TMEM216: variants seen among roughly 807,000 people sequenced by gnomAD.
TMEM216 encodes the protein cerebello-oculo-renal syndrome 2.
A neutral mutation model predicts 17.8 loss-of-function variants in TMEM216; 15 were observed. The ratio of observed to expected loss-of-function variants is 0.84; its 90% CI spans 0.56 to 1.30. TMEM216 has a LOEUF of 1.30. Among genes scored for constraint, TMEM216 ranks in the 50% most tolerant of loss-of-function variants. The pLI is 0.00. For missense variants in TMEM216, 160 were observed against 175.7 expected, an observed-to-expected ratio of 0.91 and a Z score of 0.51; for synonymous variants, 58 against 73.5, an observed-to-expected ratio of 0.79 and a Z score of 1.08.
At chr11:61,396,793 TAA>T (rs763732273) in intron 3 of TMEM216, among the ~76,000 whole-genome samples, 7 of 123,872 alleles carry the variant, frequency 5.7e-5, no homozygotes, top group Admixed American at 1.6e-4. Context: ...TCCGTCTCAA[TAA>T]AAAAAAAAAA....
At chr11:61,396,262 C>T (rs549660116) in intron 3 of TMEM216, among the ~76,000 whole-genome samples, 4 of 152,110 alleles carry the variant, frequency 2.6e-5, no homozygotes, top group South Asian at 2.1e-4. Context: ...AGGCAGATCA[C>T]GAGTTCAGGA....
In TMEM216 at chr11:61,393,241, GTCC is replaced by G. The variant is rs1858718812; in HGVS notation, c.49_51del (p.Ser17del). On this transcript the variant is annotated inframe_deletion, in exon 2 of 5. Coordinates refer to ENST00000515837, the MANE Select transcript of TMEM216 (RefSeq NM_001173990.3). ...GTGCTCCTTTTTCAGGTAAACGGTT[GTCC>G]TCCACCCCGCTGGAAATCCTGTTCT... 3 of 1,535,648 alleles carry G rather than the reference GTCC, an allele frequency of 2.0e-6. No homozygotes were observed. Among genetic ancestry groups the G allele is most frequent in the Non-Finnish European group, 2.6e-6 (3 of 1,146,698 alleles).
intron 3 of TMEM216, 150 bp from the exon 4 acceptor site, chr11:61,397,624 T>A (rs1462104096): frequency 1.0e-4 from 65 of 652,120 alleles, no homozygotes; most frequent in South Asian, 9.5e-4. Context: ...CCTCAAACTT[T>A]TAGTACAGTG....
chr11:61,394,699 C>G (rs971454642), intron 3 of TMEM216, among the ~76,000 whole-genome samples: 3 of 146,060 alleles, frequency 2.1e-5, no homozygotes, highest in African/African-American at 7.6e-5. Context: ...TGGAGTCTCA[C>G]TCTGTCACCT....
chr11:61,393,823 G>T, intron 2 of TMEM216, 61 bp from the exon 3 acceptor site: 8 of 1,329,898 alleles, frequency 6.0e-6, no homozygotes, highest in Middle Eastern at 1.8e-4. Context: ...TCCCAAGTGT[G>T]TGGCAGTTCT....
chr11:61,394,669 AT>A (rs879295271), intron 3 of TMEM216, among the ~76,000 whole-genome samples: 1,298 of 93,112 alleles, frequency 0.014, 3 homozygotes, highest in Middle Eastern at 0.051. Context: ...ACCTGGTTGG[AT>A]TTTTTTTTTT....
In TMEM216 at chr11:61,397,817, T is replaced by C. The variant is rs1301636574; in HGVS notation, c.273T>C (p.Ile91=). The C allele has an allele frequency of 3.1e-6, 5 of 1,613,890 alleles. No individual in the cohort carries two copies. Among genetic ancestry groups the C allele is most frequent in the Non-Finnish European group, 4.2e-6 (5 of 1,179,900 alleles). Residue 91 remains isoleucine, a synonymous_variant, in exon 4 of 5, where the codon ATT becomes ATC. Coordinates refer to ENST00000515837, the MANE Select transcript of TMEM216 (RefSeq NM_001173990.3). ...NLCQRKMPLS[I]SVALTFPSAM... ...GCCAGCGAAAGATGCCGCTCAGTAT[T>C]AGCGTGGCCTTGACCTTCCCATCTG... is the stretch of plus-strand genomic sequence containing the variant.
chr11:61,393,504 CCCCTCAGCAAGAA>C (rs1320523370), intron 2 of TMEM216, among the ~76,000 whole-genome samples, 172 bp downstream of exon 2: 1 of 152,160 alleles, frequency 6.6e-6, no homozygotes, highest in Non-Finnish European at 1.5e-5. Context: ...CCATAGGCAG[CCCCTCAGCAAGAA>C]TTTCTTGAGT....
At chr11:61,397,323 C>T (rs902000453) in intron 3 of TMEM216, among the ~76,000 whole-genome samples, 10 of 151,872 alleles carry the variant, frequency 6.6e-5, no homozygotes, top group South Asian at 4.1e-4. Flanking sequence ...CCCGCCACCA[C>T]GCCCGGCTAC....
At chr11:61,395,866 C>T (rs1858787868) in intron 3 of TMEM216, among the ~76,000 whole-genome samples, 2 of 152,114 alleles carry the variant, frequency 1.3e-5, no homozygotes, top group African/African-American at 4.8e-5. Context: ...TTTTACCCAT[C>T]AGACTGGCAA....
In TMEM216 at chr11:61,393,898, T is replaced by C. The variant is rs1324823314; in HGVS notation, c.151T>C (p.Tyr51His). 3 of 1,613,900 alleles carry C rather than the reference T, an allele frequency of 1.9e-6. No individual in the cohort carries two copies. The highest frequency in any genetic ancestry group is 2.5e-6 in the Non-Finnish European group (3 of 1,179,820). Residue 51 changes from tyrosine to histidine, a missense_variant, in exon 3 of 5, where the codon TAT becomes CAT. Coordinates refer to ENST00000515837, the MANE Select transcript of TMEM216 (RefSeq NM_001173990.3). ...IFLYKGVLLPYPTANLVLDVV... is the reference protein window; with the variant it reads ...IFLYKGVLLPHPTANLVLDVV... ...TGTATTGGCAGGTGTCCTGCTACCA[T>C]ATCCAACAGCTAACCTAGTACTGGA...
intron 3 of TMEM216, among the ~76,000 whole-genome samples, chr11:61,396,027 T>TA (rs199720332): frequency 2.6e-5 from 4 of 151,546 alleles, no homozygotes; most frequent in African/African-American, 7.3e-5. Flanking sequence ...AAAACTAGAT[T>TA]AAAAAAAAAT....
rs997518388 is a variant in TMEM216, at chr11:61,393,342, G to C, written c.136+10G>C. ...ATATTTCTGTATAAAGGTAAGGAAG[G>C]CTTGGGGCTTGACGACAGCATCCCT... On this transcript the variant is annotated intron_variant, in intron 2 of 4. Coordinates refer to ENST00000515837, the MANE Select transcript of TMEM216 (RefSeq NM_001173990.3). The C allele has an allele frequency of 6.6e-7, 1 of 1,515,718 alleles. No individual in the cohort carries two copies. Among genetic ancestry groups the C allele is most frequent in the Non-Finnish European group, 8.9e-7 (1 of 1,128,360 alleles). The allele number at this position is 1,515,718 out of a possible 1,614,324, so 93.9% of individuals were successfully genotyped here.
At chr11:61,394,669 A>AT (rs879295271) in intron 3 of TMEM216, among the ~76,000 whole-genome samples, 1,039 of 93,242 alleles carry the variant, frequency 0.011, 8 homozygotes, top group Middle Eastern at 0.038. Flanking sequence ...ACCTGGTTGG[A>AT]TTTTTTTTTT....
At chr11:61,398,009 G>A (rs763419040) in intron 4 of TMEM216, 34 bp downstream of exon 4, 80 of 1,610,246 alleles carry the variant, frequency 5.0e-5, no homozygotes, top group Non-Finnish European at 6.6e-5. Context: ...CTCATCACTA[G>A]AGGGTTGGGT....
chr11:61,398,356 T>C lies in TMEM216; in HGVS notation c.*80T>C. On this transcript the variant is annotated 3_prime_UTR_variant, in exon 5 of 5. Coordinates refer to ENST00000515837, the MANE Select transcript of TMEM216 (RefSeq NM_001173990.3). ...GGTACTTTAGCCACACCAGTGAGAA[T>C]TGGTGGGGCAAGTTGTCCTGAGAAA... The C allele has an allele frequency of 6.8e-7, 1 of 1,475,996 alleles. No individual in the cohort carries two copies. Among genetic ancestry groups the C allele is most frequent in the Non-Finnish European group, 9.4e-7 (1 of 1,068,330 alleles). The allele number at this position is 1,475,996 out of a possible 1,614,324, so 91.4% of individuals were successfully genotyped here.
chr11:61,394,036 G>C, intron 3 of TMEM216, 60 bp downstream of exon 3: 2 of 1,474,760 alleles, frequency 1.4e-6, no homozygotes, highest in Non-Finnish European at 1.9e-6. Context: ...TCTGTAACTT[G>C]ATTAACAAGA....
Position 61,398,413 on chromosome 11 carries a change from T to C in TMEM216, c.*137T>C, listed in dbSNP as rs1858850283. 1 of 920,686 alleles carries C rather than the reference T, an allele frequency of 1.1e-6. No individual in the cohort carries two copies. Among genetic ancestry groups the C allele is most frequent in the Admixed American group, 2.3e-5 (1 of 43,140 alleles). The allele number at this position is 920,686 out of a possible 1,614,324, so 57.0% of individuals were successfully genotyped here. A position where few individuals can be genotyped will look rare whatever the true frequency, so the allele number is the denominator to read the frequency against. On this transcript the variant is annotated 3_prime_UTR_variant, in exon 5 of 5. Coordinates refer to ENST00000515837, the MANE Select transcript of TMEM216 (RefSeq NM_001173990.3). ...GTGGCTTTTCTTCAGCACAGACATT[T>C]GGGCAAGCAACTCAGCATAAGGCCA...
At chr11:61,397,333 C>CT (rs1026574038) in intron 3 of TMEM216, among the ~76,000 whole-genome samples, 1 of 151,714 alleles carries the variant, frequency 6.6e-6, no homozygotes, top group East Asian at 1.9e-4. Context: ...CGCCCGGCTA[C>CT]TTTTTTTGTA....
Sources: gnomAD v4.1 joint callset for allele counts (sites outside exome capture counted in the v4.1 genomes callset) on GRCh38, gnomAD v4.1.1 for gene constraint, MANE v1.5 for transcripts, NCBI Gene and HGNC (gene_info 2026-07-23, HGNC 2026-07-21) for gene names.